Variants in PDE11A observed in about 807,000 individuals in gnomAD.
PDE11A encodes dual 3',5'-cyclic-AMP and -GMP phosphodiesterase 11A.
PDE11A carries 100 observed loss-of-function variants against 100.5 expected under a neutral mutation model. That is an observed-to-expected ratio of 1.00 (90% confidence interval 0.85 to 1.18). The LOEUF (loss-of-function observed/expected upper bound fraction) is 1.18. Among genes scored for constraint, PDE11A ranks in the 50% most tolerant of loss-of-function variants. The pLI is 0.00. For missense variants in PDE11A, 1,141 were observed against 1,152.6 expected, an observed-to-expected ratio of 0.99 and a Z score of 0.15; for synonymous variants, 381 against 420.8, an observed-to-expected ratio of 0.91 and a Z score of 1.16.
At chr2:177,862,306 G>A (rs1176101807) in intron 5 of PDE11A, among the ~76,000 whole-genome samples, 1 of 151,792 alleles carries the variant, frequency 6.6e-6, no homozygotes, top group Non-Finnish European at 1.5e-5. Context: ...ATGAAAAGAT[G>A]CATAACATTG....
At chr2:178,085,539 TAA>T (rs56201348) in intron 2 of PDE11A, among the ~76,000 whole-genome samples, 3 of 149,006 alleles carry the variant, frequency 2.0e-5, no homozygotes, top group African/African-American at 5.0e-5. Context: ...ATAGTTGAAA[TAA>T]AAAAAAAAAT....
At chr2:177,842,645 G>A (rs557584139) in intron 5 of PDE11A, among the ~76,000 whole-genome samples, 1 of 152,340 alleles carries the variant, frequency 6.6e-6, no homozygotes, top group African/African-American at 2.4e-5. Context: ...AAGAGACACT[G>A]AGGATGGGAA....
At chr2:177,807,958 ATCT>A (rs2082897258) in intron 9 of PDE11A, among the ~76,000 whole-genome samples, 1 of 152,216 alleles carries the variant, frequency 6.6e-6, no homozygotes, top group Non-Finnish European at 1.5e-5. Context: ...AAACAATCAC[ATCT>A]CTTGGGGTAG....
intron 9 of PDE11A, among the ~76,000 whole-genome samples, chr2:177,816,215 C>CA (rs1035877065): frequency 1.5e-4 from 22 of 151,190 alleles, no homozygotes; most frequent in Non-Finnish European, 2.7e-4. Flanking sequence ...AAAAACAAAA[C>CA]AAAAAAAACA....
intron 9 of PDE11A, among the ~76,000 whole-genome samples, chr2:177,780,815 C>T: frequency 6.6e-6 from 1 of 152,222 alleles, no homozygotes; most frequent in East Asian, 1.9e-4. Flanking sequence ...GGGCCTTGAT[C>T]TGGATTAGGC....
At chr2:177,752,137 G>A (rs573037167) in intron 10 of PDE11A, among the ~76,000 whole-genome samples, 86 of 152,232 alleles carry the variant, frequency 5.6e-4, no homozygotes, top group African/African-American at 2.0e-3. Flanking sequence ...TTTTTCATCC[G>A]GCCTGCATCG....
intron 6 of PDE11A, among the ~76,000 whole-genome samples, chr2:177,839,174 C>T (rs2083448786): frequency 6.6e-6 from 1 of 152,184 alleles, no homozygotes; most frequent in Non-Finnish European, 1.5e-5. Context: ...TCCCTGCCAT[C>T]ACCATGTCCT....
At chr2:177,856,677 C>A (rs1280328606) in intron 5 of PDE11A, among the ~76,000 whole-genome samples, 1 of 151,856 alleles carries the variant, frequency 6.6e-6, no homozygotes, top group African/African-American at 2.4e-5. Flanking sequence ...CTAGGCTACC[C>A]AACAGCATGT....
At chr2:177,760,962 T>C (rs968625980) in intron 10 of PDE11A, among the ~76,000 whole-genome samples, 2 of 152,146 alleles carry the variant, frequency 1.3e-5, no homozygotes, top group African/African-American at 2.4e-5. Context: ...AGACAGACTA[T>C]AGAACTATAT....
At chr2:177,858,043 A>T (rs1013641394) in intron 5 of PDE11A, among the ~76,000 whole-genome samples, 1 of 152,168 alleles carries the variant, frequency 6.6e-6, no homozygotes, top group Non-Finnish European at 1.5e-5. Flanking sequence ...CTGGCTAGAC[A>T]TATGTAGAAA....
chr2:177,795,935 C>CTA (rs55861102), intron 9 of PDE11A, among the ~76,000 whole-genome samples: 4,894 of 66,488 alleles, frequency 0.074, 312 homozygotes, highest in Non-Finnish European at 0.1. Context: ...TTTGTTTAAA[C>CTA]TATATATATA....
chr2:177,843,838 G>A (rs983260458), intron 5 of PDE11A, among the ~76,000 whole-genome samples: 1 of 152,184 alleles, frequency 6.6e-6, no homozygotes, highest in African/African-American at 2.4e-5. Flanking sequence ...ACATAGATGT[G>A]TTGATAAGTT....
chr2:178,039,580 G>A (rs868596830), intron 1 of PDE11A, among the ~76,000 whole-genome samples: 3 of 151,586 alleles, frequency 2.0e-5, no homozygotes, highest in Non-Finnish European at 2.9e-5. Flanking sequence ...AAAAGTCTGC[G>A]GTCATGCAAA....
intron 9 of PDE11A, among the ~76,000 whole-genome samples, chr2:177,792,736 G>T (rs906972441): frequency 3.9e-4 from 59 of 152,182 alleles, no homozygotes; most frequent in African/African-American, 1.3e-3. Flanking sequence ...GCTGGCCATG[G>T]AGATCAGATT....
At chr2:177,789,683 A>C (rs1000045686) in intron 9 of PDE11A, among the ~76,000 whole-genome samples, 5 of 152,270 alleles carry the variant, frequency 3.3e-5, no homozygotes, top group East Asian at 1.9e-4. Flanking sequence ...TAAGCAACTT[A>C]AGCAAAGTCT....
chr2:177,646,553 T>C (rs1193068054), intron 19 of PDE11A, among the ~76,000 whole-genome samples: 3 of 152,206 alleles, frequency 2.0e-5, no homozygotes, highest in African/African-American at 7.2e-5. Flanking sequence ...ACAGCAGAGC[T>C]GAAATGTCAG....
At chr2:178,047,349 G>T (rs1427282661) in intron 1 of PDE11A, among the ~76,000 whole-genome samples, 1 of 151,882 alleles carries the variant, frequency 6.6e-6, no homozygotes, top group Non-Finnish European at 1.5e-5. Context: ...TGTAATCCCA[G>T]TTACTTGGGA....
At chr2:177,960,440 T>C (rs531982669) in intron 2 of PDE11A, among the ~76,000 whole-genome samples, 5 of 152,152 alleles carry the variant, frequency 3.3e-5, no homozygotes, top group African/African-American at 4.8e-5. Context: ...TTTTTTGAAA[T>C]TGAATTTCAT....
intron 4 of PDE11A, among the ~76,000 whole-genome samples, chr2:177,894,498 G>A (rs572690593): frequency 6.6e-6 from 1 of 151,994 alleles, no homozygotes; most frequent in Non-Finnish European, 1.5e-5. Flanking sequence ...CCCCCTCTTG[G>A]CCAAGGGGAC....
Sources: gnomAD v4.1 joint callset for allele counts (sites outside exome capture counted in the v4.1 genomes callset) on GRCh38, gnomAD v4.1.1 for gene constraint, MANE v1.5 for transcripts, NCBI Gene and HGNC (gene_info 2026-07-23, HGNC 2026-07-21) for gene names.